LDLRAD3: variants seen among roughly 807,000 people sequenced by gnomAD.
LDLRAD3 encodes low-density lipoprotein receptor class A domain-containing protein 3.
In LDLRAD3, 20 loss-of-function variants were observed where a neutral mutation model predicts 29.4. The ratio of observed to expected loss-of-function variants is 0.68; its 90% CI spans 0.48 to 0.99. The LOEUF (loss-of-function observed/expected upper bound fraction) is 0.99. Ranked by LOEUF, LDLRAD3 falls within the 50% of genes least tolerant of loss-of-function variation. The pLI, the probability that LDLRAD3 is intolerant of heterozygous loss-of-function variation, is 0.00. For synonymous variants in LDLRAD3, 157 were observed against 192.7 expected, an observed-to-expected ratio of 0.81 and a Z score of 1.53; for missense variants, 420 against 454.3, an observed-to-expected ratio of 0.92 and a Z score of 0.69.
At chr11:36,094,551 T>C (rs1590262139) in intron 3 of LDLRAD3, among the ~76,000 whole-genome samples, 2 of 152,314 alleles carry the variant, frequency 1.3e-5, no homozygotes, top group East Asian at 3.9e-4. Context: ...TCTTTTCTTT[T>C]TTGAGACGGG....
intron 1 of LDLRAD3, among the ~76,000 whole-genome samples, chr11:36,018,953 A>G (rs1021766939): frequency 6.6e-6 from 1 of 152,082 alleles, no homozygotes. Flanking sequence ...AATTAGGGAC[A>G]TAGAGGATTG....
intron 1 of LDLRAD3, among the ~76,000 whole-genome samples, chr11:35,978,052 A>G (rs1201201326): frequency 1.3e-5 from 2 of 152,148 alleles, no homozygotes; most frequent in Non-Finnish European, 2.9e-5. Context: ...ATATGGATTT[A>G]TAATAGGGCT....
intron 1 of LDLRAD3, among the ~76,000 whole-genome samples, chr11:35,994,278 A>G (rs945422251): frequency 6.6e-5 from 9 of 136,164 alleles, no homozygotes; most frequent in African/African-American, 2.5e-4. Context: ...CAGAGCTTGC[A>G]GTGAGCCGAG....
chr11:36,111,088 C>A (rs1234786783), intron 4 of LDLRAD3, among the ~76,000 whole-genome samples: 1 of 152,056 alleles, frequency 6.6e-6, no homozygotes, highest in Non-Finnish European at 1.5e-5. Flanking sequence ...GCTGGGGGCC[C>A]CCTCCCTGCA....
At chr11:36,140,202 A>G (rs1258695602) in intron 4 of LDLRAD3, among the ~76,000 whole-genome samples, 1 of 152,184 alleles carries the variant, frequency 6.6e-6, no homozygotes, top group Non-Finnish European at 1.5e-5. Context: ...AGAAGGGGAA[A>G]TCTGGTGAAC....
intron 1 of LDLRAD3, among the ~76,000 whole-genome samples, chr11:36,001,345 C>G (rs1179295964): frequency 6.6e-6 from 1 of 152,182 alleles, no homozygotes; most frequent in Non-Finnish European, 1.5e-5. Flanking sequence ...AATGCTATCC[C>G]TCCCCGCTCC....
chr11:36,219,322 A>C (rs1855396962), intron 4 of LDLRAD3, among the ~76,000 whole-genome samples: 3 of 152,198 alleles, frequency 2.0e-5, no homozygotes, highest in Admixed American at 2.0e-4. Flanking sequence ...TTAAATAATG[A>C]ACATGGATTT....
rs1388479683 is a variant in LDLRAD3 at position 36,157,003 on chromosome 11, A to G, written c.454+58542A>G. 2.0e-5 allele frequency among the ~76,000 whole-genome samples: 3 copies of G among 152,228 alleles called. No individual in the cohort carries two copies. The East Asian group carries it at 5.8e-4, about 29-fold the overall frequency. ...TGTTAGTACAGATCTCCTCTGGGGC[A>G]CTGAGTAACCCTGGGGAGAGGATGG... is the stretch of plus-strand genomic sequence containing the variant. On this transcript the variant is annotated intron_variant, in intron 4 of 5. Coordinates refer to ENST00000315571, the MANE Select transcript of LDLRAD3 (RefSeq NM_174902.4).
chr11:36,193,499 GTTAT>G (rs1308067870), intron 4 of LDLRAD3, among the ~76,000 whole-genome samples: 1 of 152,174 alleles, frequency 6.6e-6, no homozygotes, highest in African/African-American at 2.4e-5. Flanking sequence ...ACCCCAGCCT[GTTAT>G]TTAAAGCTTT....
chr11:36,045,202 C>T (rs1167110443), intron 2 of LDLRAD3, among the ~76,000 whole-genome samples: 2 of 152,300 alleles, frequency 1.3e-5, no homozygotes, highest in Non-Finnish European at 2.9e-5. Context: ...TACATACAGA[C>T]GTTTCCAGGT....
intron 4 of LDLRAD3, among the ~76,000 whole-genome samples, chr11:36,142,069 C>T (rs537750005): frequency 6.6e-6 from 1 of 152,310 alleles, no homozygotes; most frequent in South Asian, 2.1e-4. Context: ...CTATTGCTTG[C>T]TTCCAGTCGC....
chr11:36,067,370 TATA>T (rs540976998), intron 2 of LDLRAD3, among the ~76,000 whole-genome samples: 85 of 152,370 alleles, frequency 5.6e-4, no homozygotes, highest in Admixed American at 9.8e-4. Context: ...TTTTATATTT[TATA>T]ATACTATATT....
rs563928289 is a variant in LDLRAD3 at position 36,057,140 on chromosome 11, A to G, written c.193+20891A>G. ...CCAGGACCTTTCTGGGATATTCTCA[A>G]TCAGGAGGCCTAGGATAGACTCAGG... On this transcript the variant is annotated intron_variant, in intron 2 of 5. Transcript: ENST00000315571. Among the ~76,000 whole-genome samples, 9 of 152,212 alleles carry G rather than the reference A, an allele frequency of 5.9e-5. No homozygotes were observed. In the East Asian group the frequency reaches 1.2e-3, roughly 20 times the overall value.
chr11:36,116,591 G>A (rs964904512), intron 4 of LDLRAD3, among the ~76,000 whole-genome samples: 1 of 151,932 alleles, frequency 6.6e-6, no homozygotes, highest in Non-Finnish European at 1.5e-5. Context: ...ATGCATCCTT[G>A]GACAAGAGAG....
chr11:36,033,792 C>A (rs185228641), intron 1 of LDLRAD3, among the ~76,000 whole-genome samples: 7 of 152,260 alleles, frequency 4.6e-5, no homozygotes, highest in African/African-American at 1.7e-4. Flanking sequence ...GAATTGGTTT[C>A]ATGTTCTTCT....
intron 4 of LDLRAD3, among the ~76,000 whole-genome samples, chr11:36,198,547 C>T (rs1210608762): frequency 1.3e-5 from 2 of 152,204 alleles, no homozygotes; most frequent in East Asian, 3.9e-4. Flanking sequence ...CCTTCCAGCT[C>T]AGTTCCGTGC....
intron 3 of LDLRAD3, among the ~76,000 whole-genome samples, chr11:36,094,124 C>T (rs1056417548): frequency 1.3e-5 from 2 of 152,134 alleles, no homozygotes; most frequent in African/African-American, 2.4e-5. Context: ...GGGGTTTCAC[C>T]GGGGACTCGC....
intron 4 of LDLRAD3, among the ~76,000 whole-genome samples, chr11:36,171,544 G>C (rs2133348550): frequency 6.6e-6 from 1 of 152,138 alleles, no homozygotes; most frequent in African/African-American, 2.4e-5. Context: ...ACCATTTGTT[G>C]AATAGAATGT....
At chr11:36,168,070 C>T (rs1484023166) in intron 4 of LDLRAD3, among the ~76,000 whole-genome samples, 1 of 152,170 alleles carries the variant, frequency 6.6e-6, no homozygotes, top group East Asian at 1.9e-4. Context: ...TCTTCTGGCC[C>T]TGCCTTCAGG....
Sources: allele counts gnomAD v4.1 joint callset (sites outside exome capture counted in the v4.1 genomes callset), GRCh38; gene constraint gnomAD v4.1.1; transcripts MANE v1.5; gene names NCBI Gene and HGNC (gene_info 2026-07-23, HGNC 2026-07-21).